CNTN6: variants seen among roughly 807,000 people sequenced by gnomAD.
CNTN6 encodes contactin-6.
Under a neutral mutation model 122.8 loss-of-function variants are expected in CNTN6, and 137 were observed. The ratio of observed to expected loss-of-function variants is 1.12; its 90% CI spans 0.97 to 1.29. The LOEUF (loss-of-function observed/expected upper bound fraction) is 1.29, where lower values mean the gene tolerates loss of function less well. Ranked by LOEUF, CNTN6 falls within the 50% of genes most tolerant of loss-of-function variation. CNTN6 has a pLI of 0.00. For synonymous variants in CNTN6, 570 were observed against 426.0 expected, an observed-to-expected ratio of 1.34 and a Z score of -4.16; for missense variants, 1,634 against 1,223.4, an observed-to-expected ratio of 1.34 and a Z score of -5.01.
chr3:1,342,211 C>T (rs1279224984), intron 11 of CNTN6, among the ~76,000 whole-genome samples: 3 of 152,090 alleles, frequency 2.0e-5, no homozygotes, highest in Non-Finnish European at 4.4e-5. Context: ...CTCACTGCAA[C>T]CTCCGCCTTC....
chr3:1,290,337 T>C (rs1461218137), intron 5 of CNTN6, among the ~76,000 whole-genome samples: 3 of 152,184 alleles, frequency 2.0e-5, no homozygotes, highest in Non-Finnish European at 4.4e-5. Flanking sequence ...CAGGAAATGT[T>C]AATGGGGGAG....
chr3:1,305,673 T>TA lies in CNTN6; in HGVS notation c.761+7689dup, dbSNP rs3836237. On this transcript the variant is annotated intron_variant, in intron 7 of 22. Coordinates refer to ENST00000446702, the MANE Select transcript of CNTN6 (RefSeq NM_001289080.2). ...ACAACCAAACATATTTTCCTTTTTT[T>TA]AAAAAAATCTTAATTTAGTACCTTT... Among the ~76,000 whole-genome samples the TA allele has an allele frequency of 5.3e-5, 8 of 151,232 alleles. No individual in the cohort carries two copies. The East Asian group carries it at 1.4e-3, about 26-fold the overall frequency.
At chr3:1,322,412 T>A (rs1700982394) in intron 8 of CNTN6, among the ~76,000 whole-genome samples, 1 of 151,754 alleles carries the variant, frequency 6.6e-6, no homozygotes, top group Non-Finnish European at 1.5e-5. Context: ...GTGTCTTCTT[T>A]AATCCAGGAT....
intron 1 of CNTN6, among the ~76,000 whole-genome samples, chr3:1,094,718 T>C (rs1288497736): frequency 6.6e-6 from 1 of 152,058 alleles, no homozygotes; most frequent in Non-Finnish European, 1.5e-5. Context: ...TCAATTATGT[T>C]GTGAAAAGGA....
intron 12 of CNTN6, among the ~76,000 whole-genome samples, chr3:1,359,781 A>G (rs1707182637): frequency 6.6e-6 from 1 of 152,056 alleles, no homozygotes; most frequent in Admixed American, 6.6e-5. Flanking sequence ...ACACCTGGAG[A>G]AATGAAGACC....
intron 1 of CNTN6, among the ~76,000 whole-genome samples, chr3:1,122,393 G>A (rs948207222): frequency 2.8e-5 from 4 of 144,524 alleles, no homozygotes; most frequent in Non-Finnish European, 5.9e-5. Context: ...GAATGAAGGA[G>A]GAAAGAAGGG....
chr3:1,135,822 T>C (rs2092458095), intron 1 of CNTN6, among the ~76,000 whole-genome samples: 1 of 151,636 alleles, frequency 6.6e-6, no homozygotes, highest in Admixed American at 6.6e-5. Context: ...GTGAAACGAG[T>C]CTCTACTAAA....
intron 1 of CNTN6, among the ~76,000 whole-genome samples, chr3:1,102,383 A>C (rs1353476812): frequency 6.6e-6 from 1 of 152,216 alleles, no homozygotes; most frequent in Non-Finnish European, 1.5e-5. Flanking sequence ...ATGAAAGAGA[A>C]ACTCAGAAAT....
intron 5 of CNTN6, among the ~76,000 whole-genome samples, chr3:1,286,492 C>T (rs886287270): frequency 7.2e-5 from 11 of 152,132 alleles, no homozygotes; most frequent in East Asian, 1.9e-4. Context: ...ATGATGGTTT[C>T]GAGCTTCATC....
Position 1,377,184 on chromosome 3 carries a change from T to C in CNTN6, c.2166+109T>C, listed in dbSNP as rs115153711. On this transcript the variant is annotated intron_variant, in intron 17 of 22. Coordinates refer to ENST00000446702, the MANE Select transcript of CNTN6 (RefSeq NM_001289080.2). ...GATCACTATTGAGAGCGTAAAAAAATATGGTATAAAAATACATCATCCTGA... is the reference window on the plus strand; with the variant it reads ...GATCACTATTGAGAGCGTAAAAAAACATGGTATAAAAATACATCATCCTGA... The C allele has an allele frequency of 4.2e-3, 2,916 of 689,800 alleles. 50 individuals are homozygous for C. The highest frequency in any genetic ancestry group is 0.042 in the African/African-American group (2,314 of 54,768). 42.7% of individuals were successfully genotyped at this position (689,800 alleles called of 1,614,324 possible).
At chr3:1,296,308 G>A (rs949159822) in intron 6 of CNTN6, among the ~76,000 whole-genome samples, 1 of 151,902 alleles carries the variant, frequency 6.6e-6, no homozygotes, top group Non-Finnish European at 1.5e-5. Flanking sequence ...TTAATTATGA[G>A]CATTCCAGAG....
intron 4 of CNTN6, among the ~76,000 whole-genome samples, chr3:1,233,643 G>A (rs532527303): frequency 4.7e-5 from 7 of 147,886 alleles, no homozygotes; most frequent in Non-Finnish European, 8.9e-5. Context: ...GCTGAGGCAG[G>A]AGAATCGCGT....
chr3:1,124,707 G>T (rs1338498503), intron 1 of CNTN6, among the ~76,000 whole-genome samples: 2 of 151,710 alleles, frequency 1.3e-5, no homozygotes, highest in Non-Finnish European at 2.9e-5. Flanking sequence ...TTAAGAGAAA[G>T]AACATCCCTT....
intron 21 of CNTN6, 55 bp downstream of exon 21, chr3:1,401,600 C>A: frequency 8.4e-7 from 1 of 1,188,472 alleles, no homozygotes; most frequent in South Asian, 1.4e-5. Flanking sequence ...AGGAATGAAA[C>A]ATGTGACACC....
intron 2 of CNTN6, among the ~76,000 whole-genome samples, chr3:1,203,380 G>A (rs900483705): frequency 6.6e-6 from 1 of 152,294 alleles, no homozygotes; most frequent in Non-Finnish European, 1.5e-5. Context: ...AGAGATATGA[G>A]CTGATAAAAC....
chr3:1,298,404 A>T (rs1696646694), intron 7 of CNTN6: 2 of 154,008 alleles, frequency 1.3e-5, no homozygotes, highest in South Asian at 4.0e-4. Context: ...AACAATTCTG[A>T]TAAATAAAAA....
chr3:1,193,939 G>T (rs1207628788), intron 2 of CNTN6, among the ~76,000 whole-genome samples: 1 of 152,090 alleles, frequency 6.6e-6, no homozygotes, highest in Non-Finnish European at 1.5e-5. Context: ...ACGTTTTCTT[G>T]TATGTAGGAA....
In CNTN6 at chr3:1,168,854, T is replaced by A. The variant is rs554872391; in HGVS notation, c.55+20791T>A. Among the ~76,000 whole-genome samples the A allele has an allele frequency of 2.6e-5, 4 of 152,278 alleles. No homozygotes were observed. In the South Asian group the frequency reaches 6.2e-4, roughly 24 times the overall value. ...CTAGAAGCATCTGGTCTAACAACAGTGATGCTAATATATAGGTTAATTTTT... is the reference window on the plus strand; with the variant it reads ...CTAGAAGCATCTGGTCTAACAACAGAGATGCTAATATATAGGTTAATTTTT... On this transcript the variant is annotated intron_variant, in intron 2 of 22. Transcript: ENST00000446702.
At chr3:1,106,521 TACACACAC>T (rs57012485) in intron 1 of CNTN6, among the ~76,000 whole-genome samples, 7 of 149,094 alleles carry the variant, frequency 4.7e-5, no homozygotes, top group Admixed American at 2.7e-4. Flanking sequence ...CTGTCTGTAA[TACACACAC>T]ACACACACAC....
Sources: gnomAD v4.1 joint callset for allele counts (sites outside exome capture counted in the v4.1 genomes callset) on GRCh38, gnomAD v4.1.1 for gene constraint, MANE v1.5 for transcripts, NCBI Gene and HGNC (gene_info 2026-07-23, HGNC 2026-07-21) for gene names.